Variants in KAZN observed in about 807,000 individuals in gnomAD.
The protein encoded by KAZN is kazrin.
A neutral mutation model predicts 87.4 loss-of-function variants in KAZN; 40 were observed. That is an observed-to-expected ratio of 0.46 (90% CI 0.36 to 0.60). The LOEUF (loss-of-function observed/expected upper bound fraction) is 0.60. KAZN is among the 20% of genes least tolerant of loss of function. The pLI is 0.00. For missense variants in KAZN, 898 were observed against 1,073.9 expected, an observed-to-expected ratio of 0.84 and a Z score of 2.29; for synonymous variants, 466 against 458.3, an observed-to-expected ratio of 1.02 and a Z score of -0.22.
intron 2 of KAZN, among the ~76,000 whole-genome samples, chr1:14,500,491 A>G (rs1031832152): frequency 9.2e-5 from 14 of 152,030 alleles, no homozygotes; most frequent in African/African-American, 3.1e-4. Context: ...CTATTTTTTA[A>G]AAGAAGCAAG....
At chr1:14,620,250 T>A (rs750093319) in intron 1 of KAZN, among the ~76,000 whole-genome samples, 8 of 152,230 alleles carry the variant, frequency 5.3e-5, no homozygotes, top group Non-Finnish European at 1.0e-4. Context: ...ACAATTCTAT[T>A]TAAAACTAAA....
chr1:13,991,786 C>G (rs1369537773), intron 1 of KAZN, among the ~76,000 whole-genome samples: 1 of 152,194 alleles, frequency 6.6e-6, no homozygotes, highest in African/African-American at 2.4e-5. Flanking sequence ...CAACAAATAT[C>G]GTGGTTGACA....
chr1:14,791,657 A>G (rs1364388778), intron 1 of KAZN, among the ~76,000 whole-genome samples: 1 of 152,180 alleles, frequency 6.6e-6, no homozygotes, highest in Non-Finnish European at 1.5e-5. Flanking sequence ...GAGGACGGCG[A>G]GAGTGAGCTT....
intron 1 of KAZN, among the ~76,000 whole-genome samples, chr1:14,631,859 A>G (rs1679596348): frequency 6.6e-6 from 1 of 152,216 alleles, no homozygotes; most frequent in Non-Finnish European, 1.5e-5. Flanking sequence ...ATACCAGAAG[A>G]AAGAAAAAGC....
chr1:14,475,104 GATGA>G (rs1456882376), intron 2 of KAZN, among the ~76,000 whole-genome samples: 2 of 152,042 alleles, frequency 1.3e-5, no homozygotes, highest in Non-Finnish European at 2.9e-5. Flanking sequence ...ATAGATGACG[GATGA>G]ATGGATGGAT....
At chr1:14,170,765 A>G (rs773245047) in intron 1 of KAZN, among the ~76,000 whole-genome samples, 6 of 151,936 alleles carry the variant, frequency 3.9e-5, no homozygotes, top group Non-Finnish European at 7.4e-5. Flanking sequence ...TCTGTCACCC[A>G]GGCTACAGTG....
chr1:14,793,054 C>A (rs1645726041), intron 1 of KAZN, among the ~76,000 whole-genome samples: 1 of 151,778 alleles, frequency 6.6e-6, no homozygotes, highest in African/African-American at 2.4e-5. Flanking sequence ...GAGGGTCAGC[C>A]CAGGCAGGTG....
chr1:15,021,498 C>T lies in KAZN; in HGVS notation c.419-13251C>T, dbSNP rs962488176. 2.0e-5 allele frequency among the ~76,000 whole-genome samples: 3 copies of T among 152,174 alleles called. No individual in the cohort carries two copies. The highest frequency in any genetic ancestry group is 7.2e-5 in the African/African-American group (3 of 41,444). ...CCACCCGCTCCCAGTCCCGGCCCCT[C>T]CCATTTCCCTCCTGCTGGTATACCT... On this transcript the variant is annotated intron_variant, in intron 2 of 14. Coordinates refer to ENST00000376030, the MANE Select transcript of KAZN (RefSeq NM_201628.3). The surrounding 1 kb of genome is among the most constrained non-coding windows in gnomAD (Gnocchi z 4.2).
At chr1:14,423,389 A>G (rs1665540302) in intron 2 of KAZN, among the ~76,000 whole-genome samples, 1 of 152,202 alleles carries the variant, frequency 6.6e-6, no homozygotes, top group African/African-American at 2.4e-5. Flanking sequence ...GTGATTTTAT[A>G]CTTTTTATTG....
chr1:14,558,991 T>A (rs1486544444), intron 2 of KAZN, among the ~76,000 whole-genome samples: 2 of 152,194 alleles, frequency 1.3e-5, no homozygotes, highest in Non-Finnish European at 2.9e-5. Flanking sequence ...TGCCCTTTGA[T>A]CTTGCCCATG....
chr1:13,990,914 A>G (rs774757658), intron 1 of KAZN, among the ~76,000 whole-genome samples: 2 of 152,232 alleles, frequency 1.3e-5, no homozygotes, highest in Non-Finnish European at 2.9e-5. Flanking sequence ...GTATTTTCAT[A>G]ATAAGATATT....
At chr1:14,295,314 T>C (rs1654025137) in intron 2 of KAZN, among the ~76,000 whole-genome samples, 1 of 152,220 alleles carries the variant, frequency 6.6e-6, no homozygotes, top group South Asian at 2.1e-4. Context: ...TGTCCAGTTG[T>C]CTTTCCTTCT....
intron 1 of KAZN, among the ~76,000 whole-genome samples, chr1:14,090,383 C>G (rs1472138385): frequency 6.6e-6 from 1 of 151,964 alleles, no homozygotes; most frequent in Non-Finnish European, 1.5e-5. Flanking sequence ...TTTTCTCTCT[C>G]TCTCTCTTTT....
intron 1 of KAZN, among the ~76,000 whole-genome samples, chr1:14,868,960 C>G (rs1288889655): frequency 6.6e-6 from 1 of 152,064 alleles, no homozygotes; most frequent in Non-Finnish European, 1.5e-5. Context: ...TGATTTTTCC[C>G]TTGTTGATCT....
intron 2 of KAZN, among the ~76,000 whole-genome samples, chr1:15,034,105 T>C (rs548507352): frequency 2.6e-4 from 40 of 152,328 alleles, no homozygotes; most frequent in Middle Eastern, 6.8e-3. Flanking sequence ...ATATTCCAGA[T>C]AGAAGCCGCT....
intron 2 of KAZN, among the ~76,000 whole-genome samples, chr1:14,249,142 T>C (rs192809488): frequency 2.6e-3 from 395 of 152,352 alleles, no homozygotes; most frequent in Non-Finnish European, 4.2e-3. Flanking sequence ...CTGCTGTTTC[T>C]AAATTCCTGA....
At chr1:13,901,467 A>G (rs1639248312) in intron 1 of KAZN, among the ~76,000 whole-genome samples, 1 of 152,192 alleles carries the variant, frequency 6.6e-6, no homozygotes, top group South Asian at 2.1e-4. Context: ...CACTTCTCAG[A>G]GATTCTATTA....
chr1:14,486,473 T>C (rs756972570), intron 2 of KAZN, among the ~76,000 whole-genome samples: 1 of 152,208 alleles, frequency 6.6e-6, no homozygotes, highest in Non-Finnish European at 1.5e-5. Context: ...TGAAATTTCA[T>C]AATGAAAATT....
intron 2 of KAZN, among the ~76,000 whole-genome samples, chr1:14,369,941 A>G (rs1660332435): frequency 6.6e-6 from 1 of 152,190 alleles, no homozygotes; most frequent in Non-Finnish European, 1.5e-5. Context: ...TGGCTCTAAC[A>G]CTGCCTGCTG....
Sources: gnomAD v4.1 joint callset for allele counts (sites outside exome capture counted in the v4.1 genomes callset) on GRCh38, gnomAD v4.1.1 for gene constraint, Gnocchi (gnomAD v3.1) non-coding constraint, MANE v1.5 for transcripts, NCBI Gene and HGNC (gene_info 2026-07-23, HGNC 2026-07-21) for gene names.